Variants in CADPS2 observed in about 807,000 individuals in gnomAD.
CADPS2 encodes the protein calcium-dependent secretion activator 2.
CADPS2 carries 93 observed loss-of-function variants against 172.5 expected under a neutral mutation model. That is an observed-to-expected ratio of 0.54 (90% CI 0.46 to 0.64). CADPS2 has a LOEUF of 0.64. Ranked by LOEUF, CADPS2 falls within the 30% of genes least tolerant of loss-of-function variation. The pLI is 0.00. For missense variants in CADPS2, 1,420 were observed against 1,565.9 expected (o/e 0.91, Z 1.57); for synonymous variants, 546 against 555.2 (o/e 0.98, Z 0.23).
At chr7:122,796,576 C>A (rs188488069) in intron 1 of CADPS2, among the ~76,000 whole-genome samples, 1 of 152,254 alleles carries the variant, frequency 6.6e-6, no homozygotes, top group Non-Finnish European at 1.5e-5. Context: ...CTACAACTAT[C>A]AGATCTTCAA....
At chr7:122,362,586 A>G (rs913539845) in intron 25 of CADPS2, among the ~76,000 whole-genome samples, 7 of 152,226 alleles carry the variant, frequency 4.6e-5, no homozygotes, top group Non-Finnish European at 1.0e-4. Context: ...GATCTTAAGA[A>G]TGACATACTG....
chr7:122,732,347 G>T lies in CADPS2; in HGVS notation c.453+4608C>A, dbSNP rs1256782649. Among the ~76,000 whole-genome samples the T allele has an allele frequency of 8.1e-5, 12 of 148,898 alleles. No homozygotes were observed. The Admixed American group carries it at 8.1e-4, about 10-fold the overall frequency. On this transcript the variant is annotated intron_variant, in intron 2 of 29. Coordinates refer to ENST00000449022, the MANE Select transcript of CADPS2 (RefSeq NM_017954.11). ...AACAGACAGAAAACTTTTTTTTTTTGAGATGGAGTAATTGTCTATAGACTA... is the reference window on the plus strand; with the variant it reads ...AACAGACAGAAAACTTTTTTTTTTTTAGATGGAGTAATTGTCTATAGACTA...
At chr7:122,331,895 C>G (rs949891561) in intron 28 of CADPS2, 1 of 152,156 alleles carries the variant, frequency 6.6e-6, no homozygotes, top group Non-Finnish European at 1.5e-5. Context: ...TTTCACTTCT[C>G]TATAGAAGGA....
intron 1 of CADPS2, among the ~76,000 whole-genome samples, chr7:122,879,632 G>T (rs180922676): frequency 6.6e-6 from 1 of 152,296 alleles, no homozygotes; most frequent in African/African-American, 2.4e-5. Flanking sequence ...CAATCAGAAA[G>T]AAGCAAATTA....
At position 122,604,082 on chromosome 7, in the gene CADPS2, ATT is replaced by A. The variant is rs1486917363; in HGVS notation, c.1223+11097_1223+11098del. On this transcript the variant is annotated intron_variant, in intron 6 of 29. Transcript: ENST00000449022. ...ACAATCTTTATTTGTTAAGTAGATA[ATT>A]TTAAAATTTTACAACACAAAAATTC... Among the ~76,000 whole-genome samples the A allele has an allele frequency of 4.6e-5, 7 of 152,236 alleles. No individual in the cohort carries two copies. The South Asian group carries it at 1.4e-3, about 32-fold the overall frequency.
At chr7:122,718,542 A>G (rs955405997) in intron 2 of CADPS2, among the ~76,000 whole-genome samples, 5 of 152,270 alleles carry the variant, frequency 3.3e-5, no homozygotes, top group African/African-American at 1.2e-4. Flanking sequence ...CAGAATAAAT[A>G]GCAAGTTGTA....
At chr7:122,665,663 G>A (rs965777626) in intron 2 of CADPS2, among the ~76,000 whole-genome samples, 3 of 152,132 alleles carry the variant, frequency 2.0e-5, no homozygotes, top group Admixed American at 6.5e-5. Context: ...AGTATGAAAA[G>A]CAGGACGGCT....
chr7:122,645,492 A>C (rs1588097142), intron 3 of CADPS2, among the ~76,000 whole-genome samples: 1 of 80,718 alleles, frequency 1.2e-5, no homozygotes, highest in African/African-American at 5.6e-5. Context: ...TTTAGCGTAT[A>C]TATATATAAG....
At chr7:122,571,026 A>G (rs919672424) in intron 7 of CADPS2, among the ~76,000 whole-genome samples, 33 of 152,290 alleles carry the variant, frequency 2.2e-4, no homozygotes, top group African/African-American at 7.7e-4. Flanking sequence ...TAAAACTTAA[A>G]GTATAATAAT....
intron 2 of CADPS2, among the ~76,000 whole-genome samples, chr7:122,671,321 GATGGTTAAACCA>G (rs2081826900): frequency 6.6e-6 from 1 of 152,156 alleles, no homozygotes; most frequent in African/African-American, 2.4e-5. Context: ...GAGTGGTTTG[GATGGTTAAACCA>G]ATGATTTAAT....
chr7:122,355,038 A>AT lies in CADPS2; in HGVS notation c.3504+5749dup, dbSNP rs199738288. Reference sequence around the variant, plus strand: ...CTGAAGCATTTTTCTCCTAAGTATGATTTTTTTTTCATTCATAAAGTGTCA... The same window carrying AT: ...CTGAAGCATTTTTCTCCTAAGTATGATTTTTTTTTTCATTCATAAAGTGTCA... On this transcript the variant is annotated intron_variant, in intron 27 of 29. Transcript: ENST00000449022. 6.7e-3 allele frequency among the ~76,000 whole-genome samples: 1,017 copies of AT among 151,706 alleles called. 21 individuals are homozygous for AT. The East Asian group carries it at 0.071, about 11-fold the overall frequency.
At chr7:122,721,503 T>C (rs1329788420) in intron 2 of CADPS2, among the ~76,000 whole-genome samples, 1 of 152,050 alleles carries the variant, frequency 6.6e-6, no homozygotes, top group African/African-American at 2.4e-5. Context: ...AAGTTGAATC[T>C]CTGAATAGAC....
At chr7:122,525,903 G>A (rs766367133) in intron 8 of CADPS2, among the ~76,000 whole-genome samples, 32 of 152,106 alleles carry the variant, frequency 2.1e-4, no homozygotes, top group Non-Finnish European at 4.4e-4. Context: ...GTGTTTCTAA[G>A]CATATCTAAA....
chr7:122,521,025 A>G (rs1350240122), intron 8 of CADPS2, among the ~76,000 whole-genome samples: 1 of 152,142 alleles, frequency 6.6e-6, no homozygotes, highest in African/African-American at 2.4e-5. Context: ...TACATGTTGA[A>G]TGATAAAGCC....
At chr7:122,742,618 A>C (rs2092544511) in intron 1 of CADPS2, among the ~76,000 whole-genome samples, 1 of 152,150 alleles carries the variant, frequency 6.6e-6, no homozygotes, top group Non-Finnish European at 1.5e-5. Flanking sequence ...CTATTAATTC[A>C]AACTAAAAAC....
At chr7:122,643,726 A>G (rs1477536675) in intron 3 of CADPS2, among the ~76,000 whole-genome samples, 1 of 152,008 alleles carries the variant, frequency 6.6e-6, no homozygotes, top group Non-Finnish European at 1.5e-5. Flanking sequence ...AAGGAGGGGA[A>G]GAGGGAGAGG....
chr7:122,734,373 A>G (rs976470232), intron 2 of CADPS2, among the ~76,000 whole-genome samples: 1 of 93,866 alleles, frequency 1.1e-5, no homozygotes, highest in Non-Finnish European at 2.5e-5. Context: ...AAAAAAAAAA[A>G]AAAAAAAAAA....
At position 122,615,068 on chromosome 7, in the gene CADPS2, T is replaced by C. The variant is rs753109701; in HGVS notation, c.1223+113A>G. 53 of 512,532 alleles carry C rather than the reference T, an allele frequency of 1.0e-4. 1 individual carries two copies. Among genetic ancestry groups the C allele is most frequent in the South Asian group, 1.8e-4 (4 of 22,810 alleles). 31.7% of individuals were successfully genotyped at this position (512,532 alleles called of 1,614,324 possible). On this transcript the variant is annotated intron_variant, in intron 6 of 29. Transcript: ENST00000449022. ...CACATTTGAGACAAAGTTAGCCAAA[T>C]AGCAGTTTTAGAGGGTAATACCACA...
chr7:122,698,908 A>G (rs2085589062), intron 2 of CADPS2: 2 of 1,582,576 alleles, frequency 1.3e-6, no homozygotes, highest in Middle Eastern at 1.7e-4. Context: ...GCCAACCTTG[A>G]GTAGATGCAT....
Sources: allele counts gnomAD v4.1 joint callset (sites outside exome capture counted in the v4.1 genomes callset), GRCh38; gene constraint gnomAD v4.1.1; transcripts MANE v1.5; gene names NCBI Gene and HGNC (gene_info 2026-07-23, HGNC 2026-07-21).